The following NTN4 variants were observed in gnomAD, a reference collection of about 807,000 sequenced individuals.
NTN4 encodes the protein netrin 4.
NTN4 carries 32 observed loss-of-function variants against 73.6 expected under a neutral mutation model. The observed-to-expected ratio is 0.44, with a 90% CI of 0.33 to 0.58. The LOEUF (loss-of-function observed/expected upper bound fraction) is 0.58, where lower values mean the gene tolerates loss of function less well. NTN4 is among the 20% of genes least tolerant of loss of function. The pLI is 0.04. For missense variants in NTN4, 654 were observed against 798.3 expected (o/e 0.82, Z 2.18); for synonymous variants, 258 against 287.5 (o/e 0.90, Z 1.04).
intron 2 of NTN4, among the ~76,000 whole-genome samples, chr12:95,770,953 T>C (rs918279103): frequency 2.0e-5 from 3 of 151,882 alleles, no homozygotes; most frequent in African/African-American, 7.3e-5. Flanking sequence ...CTGTTTTTGT[T>C]TGCTCATTAG....
intron 3 of NTN4, among the ~76,000 whole-genome samples, chr12:95,732,241 TG>T (rs1555218417): frequency 1.2e-5 from 1 of 84,830 alleles, no homozygotes; most frequent in Middle Eastern, 6.3e-3. Context: ...TTTCTTTCTC[TG>T]TCTTTCTTTC....
chr12:95,693,500 G>A (rs1355576948), intron 5 of NTN4, among the ~76,000 whole-genome samples: 1 of 151,940 alleles, frequency 6.6e-6, no homozygotes, highest in Non-Finnish European at 1.5e-5. Context: ...AGAGGGCGAG[G>A]CAGGCAGATC....
At chr12:95,756,261 G>A (rs1325670439) in intron 2 of NTN4, among the ~76,000 whole-genome samples, 1 of 152,170 alleles carries the variant, frequency 6.6e-6, no homozygotes, top group East Asian at 1.9e-4. Flanking sequence ...TAATGGATAG[G>A]ATGAACTGTG....
chr12:95,732,549 G>A lies in NTN4; in HGVS notation c.864+5317C>T, dbSNP rs138314626. Among the ~76,000 whole-genome samples the A allele has an allele frequency of 2.2e-4, 34 of 151,962 alleles. No individual in the cohort carries two copies. In the East Asian group the frequency reaches 2.7e-3, roughly 12 times the overall value. ...CTCCGGAGTATCTGGGACTATAGGC[G>A]CGTGCCACCACACCCAGCTAATTTT... is the stretch of plus-strand genomic sequence containing the variant. On this transcript the variant is annotated intron_variant, in intron 3 of 9. Transcript: ENST00000343702.
At chr12:95,682,057 CTTT>C (rs557973212) in intron 7 of NTN4, among the ~76,000 whole-genome samples, 11,670 of 63,712 alleles carry the variant, frequency 0.18, 361 homozygotes, top group Middle Eastern at 0.26. Flanking sequence ...ATTCAGTAGG[CTTT>C]TTTTTTTTTT....
At chr12:95,782,314 G>C (rs1487858163) in intron 2 of NTN4, among the ~76,000 whole-genome samples, 1 of 137,972 alleles carries the variant, frequency 7.2e-6, no homozygotes, top group Non-Finnish European at 1.6e-5. Flanking sequence ...TCTTTTTTTT[G>C]AGACAGAGTC....
intron 5 of NTN4, among the ~76,000 whole-genome samples, chr12:95,689,677 C>A (rs192007696): frequency 6.6e-6 from 1 of 152,330 alleles, no homozygotes. Flanking sequence ...TCCTCTGCCA[C>A]CCCTTCCCAC....
At chr12:95,727,874 GGTCA>G (rs1223443178) in intron 3 of NTN4, among the ~76,000 whole-genome samples, 1 of 152,160 alleles carries the variant, frequency 6.6e-6, no homozygotes, top group Non-Finnish European at 1.5e-5. Context: ...TGAATCTATA[GGTCA>G]GTTTGGAGAG....
At chr12:95,697,118 T>C (rs2121040094) in intron 5 of NTN4, among the ~76,000 whole-genome samples, 1 of 151,418 alleles carries the variant, frequency 6.6e-6, no homozygotes, top group South Asian at 2.1e-4. Flanking sequence ...AAGGCTGCAG[T>C]GAGCTGTGAT....
chr12:95,741,426 ATTATATAT>A (rs2078823241), intron 2 of NTN4, among the ~76,000 whole-genome samples: 1 of 91,310 alleles, frequency 1.1e-5, no homozygotes, highest in African/African-American at 4.2e-5. Context: ...TTATGTATAA[ATTATATAT>A]ATATATATAT....
At chr12:95,739,599 C>T (rs60565119) in intron 2 of NTN4, among the ~76,000 whole-genome samples, 1 of 152,102 alleles carries the variant, frequency 6.6e-6, no homozygotes, top group Non-Finnish European at 1.5e-5. Flanking sequence ...AACGTGACCT[C>T]CAAACACTGA....
chr12:95,770,465 T>C (rs2079049585), intron 2 of NTN4, among the ~76,000 whole-genome samples: 1 of 152,160 alleles, frequency 6.6e-6, no homozygotes, highest in South Asian at 2.1e-4. Context: ...GCAGCACCAG[T>C]TTGATGTGAC....
chr12:95,692,511 T>C (rs2078408908), intron 5 of NTN4, among the ~76,000 whole-genome samples: 1 of 152,238 alleles, frequency 6.6e-6, no homozygotes, highest in South Asian at 2.1e-4. Flanking sequence ...TCTATAGTTA[T>C]ATGTTTGCAG....
At chr12:95,736,575 T>G (rs2078779200) in intron 3 of NTN4, among the ~76,000 whole-genome samples, 1 of 152,224 alleles carries the variant, frequency 6.6e-6, no homozygotes, top group African/African-American at 2.4e-5. Context: ...TTTGTTATTT[T>G]CTGATTGAAT....
At chr12:95,738,943 C>G (rs2121179517) in intron 2 of NTN4, among the ~76,000 whole-genome samples, 1 of 152,258 alleles carries the variant, frequency 6.6e-6, no homozygotes, top group Non-Finnish European at 1.5e-5. Context: ...ACCACCCCCA[C>G]CTGAAGACCT....
intron 2 of NTN4, among the ~76,000 whole-genome samples, chr12:95,756,775 C>G (rs944410320): frequency 1.3e-5 from 2 of 152,006 alleles, no homozygotes; most frequent in Non-Finnish European, 2.9e-5. Flanking sequence ...TCCAGCCATA[C>G]CGAGAACCCC....
At chr12:95,712,255 G>A (rs555270267) in intron 4 of NTN4, among the ~76,000 whole-genome samples, 1 of 152,152 alleles carries the variant, frequency 6.6e-6, no homozygotes, top group South Asian at 2.1e-4. Context: ...AAGTTAGTTA[G>A]TCCTTGTAGA....
chr12:95,674,847 T>TAAC, intron 7 of NTN4, among the ~76,000 whole-genome samples: 1 of 152,230 alleles, frequency 6.6e-6, no homozygotes, highest in East Asian at 1.9e-4. Context: ...ATCACAGACC[T>TAAC]AACAGCTGCT....
At chr12:95,770,055 C>A (rs372421452) in intron 2 of NTN4, among the ~76,000 whole-genome samples, 1 of 152,246 alleles carries the variant, frequency 6.6e-6, no homozygotes, top group African/African-American at 2.4e-5. Context: ...CCACTCCCGG[C>A]GGGTTTTCAA....
Sources: allele counts gnomAD v4.1 joint callset (sites outside exome capture counted in the v4.1 genomes callset), GRCh38; gene constraint gnomAD v4.1.1; transcripts MANE v1.5; gene names NCBI Gene and HGNC (gene_info 2026-07-23, HGNC 2026-07-21).